The following F5 variants were observed in gnomAD, a reference collection of about 807,000 sequenced individuals.
The protein encoded by F5 is activated protein c cofactor.
In F5, 138 loss-of-function variants were observed where a neutral mutation model predicts 216.4. That is an observed-to-expected ratio of 0.64 (90% CI 0.56 to 0.73). The LOEUF (loss-of-function observed/expected upper bound fraction) is 0.73, where lower values mean the gene tolerates loss of function less well. F5 is among the 30% of genes least tolerant of loss of function. The pLI, the probability that F5 is intolerant of heterozygous loss-of-function variation, is 0.00. For synonymous variants in F5, 916 were observed against 930.7 expected (o/e 0.98, Z 0.29); for missense variants, 2,403 against 2,674.0 (o/e 0.90, Z 2.24).
At chr1:169,576,345 T>C (rs1194189703) in intron 2 of F5, among the ~76,000 whole-genome samples, 2 of 152,216 alleles carry the variant, frequency 1.3e-5, no homozygotes, top group African/African-American at 4.8e-5. Flanking sequence ...CTTGAACTCC[T>C]ACTCCTGGAG....
At chr1:169,549,634 CAA>C (rs55717622) in intron 10 of F5, among the ~76,000 whole-genome samples, 165 bp downstream of exon 10, 199 of 144,756 alleles carry the variant, frequency 1.4e-3, no homozygotes, top group Middle Eastern at 3.8e-3. Flanking sequence ...ATAGACAAGA[CAA>C]AAAAAAAAAA....
At position 169,541,139 on chromosome 1, in the gene F5, A is replaced by C. The variant is rs768835201; in HGVS notation, c.3951T>G (p.Gly1317=). The C allele has an allele frequency of 1.9e-6, 3 of 1,565,940 alleles. No individual in the cohort carries two copies. Among genetic ancestry groups the C allele is most frequent in the African/African-American group, 1.4e-5 (1 of 70,494 alleles). The change falls in exon 13 of 25, where the codon GGT becomes GGG. Residue 1317 remains glycine (G), a synonymous_variant. Transcript: ENST00000367797. ...LSQTNLSPAL[G]QMPISPDLSH... ...TGAGGTCTGGAGAAATGGGCATCTG[A>C]CCGAGGGCTGGGGAAAGGTTTGTCT...
At chr1:169,556,915 A>G (rs753078932) in intron 5 of F5, 48 bp from the exon 6 acceptor site, 1 of 1,533,874 alleles carries the variant, frequency 6.5e-7, no homozygotes, top group Non-Finnish European at 9.0e-7. Flanking sequence ...TCAGTCAAGT[A>G]CTCTGTGATC....
intron 17 of F5, among the ~76,000 whole-genome samples, chr1:169,526,511 C>T (rs1455200433): frequency 2.6e-5 from 4 of 152,108 alleles, no homozygotes; most frequent in African/African-American, 7.2e-5. Flanking sequence ...AGAAAAAACA[C>T]TGAAAGAATG....
At chr1:169,573,950 T>C (rs770223181) in intron 2 of F5, among the ~76,000 whole-genome samples, 9 of 151,954 alleles carry the variant, frequency 5.9e-5, no homozygotes, top group Non-Finnish European at 1.2e-4. Context: ...ATCCATGGAG[T>C]CAACCAATTT....
Position 169,559,331 on chromosome 1 carries a change from C to A in F5, c.587-35G>T, listed in dbSNP as rs762034292. 5 of 1,611,618 alleles carry A rather than the reference C, an allele frequency of 3.1e-6. No individual in the cohort carries two copies. The East Asian group carries it at 8.9e-5, about 29-fold the overall frequency. ...GAAAGACATGTTTTCAGTAGCACTG[C>A]AGATAGAAGACGCTCATTAGCTTTC... On this transcript the variant is annotated intron_variant, in intron 4 of 24. Coordinates refer to ENST00000367797, the MANE Select transcript of F5 (RefSeq NM_000130.5).
Position 169,541,767 on chromosome 1 carries a change from G to T in F5, c.3323C>A (p.Thr1108Asn), listed in dbSNP as rs1487650033. The change falls in exon 13 of 25, where the codon ACT (threonine) becomes AAT (asparagine). Residue 1108 changes from threonine to asparagine, a missense_variant. By Grantham distance (65) the Thr-to-Asn change is moderately conservative (BLOSUM62 0). Transcript: ENST00000367797. ...PDHNQNSSND[T>N]GQASCPPGLY... Reference sequence around the variant, plus strand: ...ACCTGGAGGACAGCTTGCCTGACCAGTGTCATTTGAGGAATTCTGATTATG... The same window carrying T: ...ACCTGGAGGACAGCTTGCCTGACCATTGTCATTTGAGGAATTCTGATTATG... 1.2e-6 allele frequency: 2 copies of T among 1,613,950 alleles called. No individual in the cohort carries two copies. The highest frequency in any genetic ancestry group is 2.7e-5 in the African/African-American group (2 of 74,910).
intron 2 of F5, among the ~76,000 whole-genome samples, chr1:169,579,368 G>A (rs1023698057): frequency 6.6e-6 from 1 of 152,108 alleles, no homozygotes; most frequent in Non-Finnish European, 1.5e-5. Context: ...TCTGTCTGCA[G>A]CCTTCTCTTC....
intron 17 of F5, among the ~76,000 whole-genome samples, chr1:169,527,421 C>T (rs1378551505): frequency 6.6e-6 from 1 of 152,072 alleles, no homozygotes; most frequent in South Asian, 2.1e-4. Context: ...TATTCTTTAA[C>T]TTTTATTATT....
rs774216679 is a variant in F5, at chr1:169,542,919, T to C, written c.2171A>G (p.Tyr724Cys). The C allele has an allele frequency of 8.7e-6, 14 of 1,614,158 alleles. No individual in the cohort carries two copies. Among genetic ancestry groups the C allele is most frequent in the Non-Finnish European group, 1.2e-5 (14 of 1,179,996 alleles). ...TGCAGCCAGTCTGTTCTGGTAATCA[T>C]AGTCAGCATCACTCTCTTCATCTTC... is the stretch of plus-strand genomic sequence containing the variant. ...EPEDEESDAD[Y>C]DYQNRLAAAL... is the part of the protein sequence containing the mutation. The change falls in exon 13 of 25, where the codon TAT becomes TGT. Residue 724 changes from tyrosine (Y) to cysteine (C), a missense_variant. Tyr to Cys is a radical substitution (Grantham distance 194, BLOSUM62 -2). Around this residue, in one of 4 missense-constraint regions of F5, gnomAD observed 1,425 missense variants for 1,554.8 expected, o/e 0.92. Transcript: ENST00000367797.
chr1:169,523,686 T>G (rs114056076), intron 20 of F5, 115 bp downstream of exon 20: 1 of 968,530 alleles, frequency 1.0e-6, no homozygotes, highest in African/African-American at 1.6e-5. Flanking sequence ...GCCTCACACT[T>G]AGTACTTGCT....
intron 7 of F5, among the ~76,000 whole-genome samples, chr1:169,553,792 G>C (rs560442013): frequency 1.3e-5 from 2 of 152,230 alleles, no homozygotes; most frequent in Admixed American, 6.5e-5. Context: ...GAAAAGTCAA[G>C]AAAGAAGAGA....
chr1:169,516,445 C>A (rs1161347931), intron 23 of F5, among the ~76,000 whole-genome samples: 2 of 152,164 alleles, frequency 1.3e-5, no homozygotes, highest in African/African-American at 4.8e-5. Context: ...TCTTCAACAT[C>A]ACCCACACAT....
intron 7 of F5, among the ~76,000 whole-genome samples, chr1:169,554,543 AG>A (rs1488774820): frequency 3.3e-5 from 5 of 152,250 alleles, no homozygotes; most frequent in African/African-American, 1.2e-4. Flanking sequence ...CCTGTGAACA[AG>A]TGTATCTGTA....
chr1:169,546,842 A>T (rs2101823014), intron 10 of F5, among the ~76,000 whole-genome samples: 1 of 152,164 alleles, frequency 6.6e-6, no homozygotes, highest in South Asian at 2.1e-4. Context: ...TAAAGACTTA[A>T]ATGTAGGCCT....
chr1:169,555,300 T>C lies in F5; in HGVS notation c.1000A>G (p.Arg334Gly), dbSNP rs118203905. Residue 334 changes from arginine (R) to glycine (G), a missense_variant, in exon 7 of 25, where the codon AGG becomes GGG. By Grantham distance (125) the Arg-to-Gly change is moderately radical (BLOSUM62 -2). Transcript: ENST00000367797. ...TCACGAGTTATTTTCTTAAGATTCC[T>C]GGTTTTCTTTGGGCAGTTTTTAATG... ...IDIKNCPKKT[R>G]NLKKITREQR... 1.4e-4 allele frequency: 222 copies of C among 1,614,148 alleles called. 1 individual carries two copies. In the East Asian group the frequency reaches 3.6e-3, roughly 26 times the overall value.
At chr1:169,517,529 T>G (rs9332665) in intron 23 of F5, among the ~76,000 whole-genome samples, 48,542 of 151,920 alleles carry the variant, frequency 0.32, 7,959 homozygotes, top group Admixed American at 0.45. Flanking sequence ...AGGATAGAAA[T>G]TAGGGAATTT....
chr1:169,586,095 A>C, intron 1 of F5, 134 bp downstream of exon 1: 1 of 945,248 alleles, frequency 1.1e-6, no homozygotes, highest in Non-Finnish European at 1.6e-6. Context: ...AATTCAGTAT[A>C]CTCTCCTATT....
chr1:169,576,054 T>C (rs1660841407), intron 2 of F5, among the ~76,000 whole-genome samples: 1 of 151,978 alleles, frequency 6.6e-6, no homozygotes, highest in African/African-American at 2.4e-5. Context: ...AGCCCGTGAG[T>C]GTAGGCAGCT....
Sources: allele counts gnomAD v4.1 joint callset (sites outside exome capture counted in the v4.1 genomes callset), GRCh38; gene constraint gnomAD v4.1.1; regional missense constraint gnomAD v4.1.1; transcripts MANE v1.5; gene names NCBI Gene and HGNC (gene_info 2026-07-23, HGNC 2026-07-21).